The following RAPGEF3 variants were observed in gnomAD, a reference collection of about 807,000 sequenced individuals.
RAPGEF3 encodes the protein 9330170P05Rik.
RAPGEF3 carries 103 observed loss-of-function variants against 129.8 expected under a neutral mutation model. That is an observed-to-expected ratio of 0.79 (90% confidence interval 0.68 to 0.93). RAPGEF3 has a LOEUF of 0.93. RAPGEF3 is among the 40% of genes least tolerant of loss of function. The pLI, the probability that RAPGEF3 is intolerant of heterozygous loss-of-function variation, is 0.00. For synonymous variants in RAPGEF3, 436 were observed against 482.6 expected, an observed-to-expected ratio of 0.90 and a Z score of 1.26; for missense variants, 1,117 against 1,207.4, an observed-to-expected ratio of 0.93 and a Z score of 1.11.
At chr12:47,744,238 A>C (rs114103885) in intron 16 of RAPGEF3, 170 bp from the exon 17 acceptor site, 2 of 618,522 alleles carry the variant, frequency 3.2e-6, no homozygotes, top group African/African-American at 1.9e-5. Context: ...GGCACCTGGG[A>C]CCAAGGATCC....
chr12:47,749,041 C>T lies in RAPGEF3; in HGVS notation c.1042-110G>A. On this transcript the variant is annotated intron_variant, in intron 10 of 27. Transcript: ENST00000449771. The surrounding 1 kb of genome is among the most constrained non-coding windows in gnomAD (Gnocchi z 4.5). ...AGCCCCATGAGGGTCCCACAGGGAC[C>T]CACAGCCCTTCTCCCACCTCCGACT... 4 of 918,384 alleles carry T rather than the reference C, an allele frequency of 4.4e-6. No individual in the cohort carries two copies. Among genetic ancestry groups the T allele is most frequent in the Non-Finnish European group, 1.7e-6 (1 of 586,106 alleles). The allele number at this position is 918,384 out of a possible 1,614,324, so 56.9% of individuals were successfully genotyped here. A position where few individuals can be genotyped will look rare whatever the true frequency, so the allele number is the denominator to read the frequency against.
At chr12:47,754,280 T>C (rs1236787755) in intron 2 of RAPGEF3, among the ~76,000 whole-genome samples, 1 of 152,228 alleles carries the variant, frequency 6.6e-6, no homozygotes, top group Non-Finnish European at 1.5e-5. Context: ...ACAGTAGAGG[T>C]ATTCTGCCTT....
chr12:47,757,914 C>G lies in RAPGEF3; in HGVS notation c.171G>C (p.Gln57His). The G allele has an allele frequency of 6.4e-7, 1 of 1,557,164 alleles. No individual in the cohort carries two copies. Among genetic ancestry groups the G allele is most frequent in the Admixed American group, 1.9e-5 (1 of 51,712 alleles). ...RMHRPRSCSY[Q>H]LLLEHQRPSC... is the part of the protein sequence containing the mutation. ...TCGGACGCTGGTGCTCCAGCAGCAG[C>G]TGGTAGGAGCAGCTTCGGGGCCGGT... Residue 57 changes from glutamine (Q) to histidine (H), a missense_variant, in exon 2 of 28, where the codon CAG (glutamine) becomes CAC (histidine). Physicochemically the swap from Gln to His is conservative, Grantham distance 24. Around this residue, in one of 3 missense-constraint regions of RAPGEF3, gnomAD observed 367 missense variants for 373.4 expected, o/e 0.98. Coordinates refer to ENST00000449771, the MANE Select transcript of RAPGEF3 (RefSeq NM_001098531.4).
rs745831021 is a variant in RAPGEF3, at chr12:47,747,706, A to T, written c.1473+6T>A. ...CCCAGCCCCGCTGTGCCTCACTCCC[A>T]GGTACCTGGAGGAAGCTGGTGGCCA... On this transcript the variant is annotated splice_donor_region_variant and intron_variant, in intron 14 of 27. Transcript: ENST00000449771. The T allele has an allele frequency of 2.2e-5, 35 of 1,611,024 alleles. No homozygotes were observed. In the Admixed American group the frequency reaches 5.8e-4, roughly 27 times the overall value.
chr12:47,747,690 G>A (rs758462432), intron 14 of RAPGEF3, 22 bp downstream of exon 14: 50 of 1,611,402 alleles, frequency 3.1e-5, no homozygotes, highest in East Asian at 2.5e-4. Flanking sequence ...GCCCAGCCCC[G>A]CTGTGCCTCA....
intron 17 of RAPGEF3, among the ~76,000 whole-genome samples, 155 bp from the exon 18 acceptor site, chr12:47,743,831 G>C (rs932807279): frequency 2.0e-5 from 3 of 152,252 alleles, no homozygotes; most frequent in African/African-American, 2.4e-5. Flanking sequence ...GTAGGAGGCA[G>C]ATCTAGCCAG....
rs767838278 is a variant in RAPGEF3 at position 47,751,157 on chromosome 12, C to T, written c.562G>A (p.Glu188Lys). The T allele has an allele frequency of 1.3e-5, 21 of 1,557,214 alleles. No individual in the cohort carries two copies. The highest frequency in any genetic ancestry group is 8.3e-5 in the South Asian group (7 of 84,514). Residue 188 changes from glutamate to lysine, a missense_variant, in exon 6 of 28, where the codon GAG (glutamate) becomes AAG (lysine). Physicochemically the swap from Glu to Lys is moderately conservative, Grantham distance 56. Around this residue, in one of 3 missense-constraint regions of RAPGEF3, gnomAD observed 367 missense variants for 373.4 expected, o/e 0.98. Coordinates refer to ENST00000449771, the MANE Select transcript of RAPGEF3 (RefSeq NM_001098531.4). ...TCATGAGTTCTCACGGGCTCGGGCT[C>T]GGGCCCGGGGAACCGGTAGAATTGG... ...DAQFYRFPGP[E>K]PEPVRTHEME...
At chr12:47,746,330 C>T (rs917574589) in intron 16 of RAPGEF3, 13 of 344,448 alleles carry the variant, frequency 3.8e-5, no homozygotes, top group African/African-American at 2.7e-4. Context: ...CAGTGCAGCC[C>T]TCCCCACCAC....
intron 17 of RAPGEF3, 61 bp downstream of exon 17, chr12:47,743,925 AG>A (rs1941292277): frequency 6.6e-7 from 1 of 1,508,872 alleles, no homozygotes; most frequent in Admixed American, 1.7e-5. Context: ...CAGCAGGACA[AG>A]AGAGGCAGAG....
At chr12:47,748,657 T>G (rs2136783549) in intron 11 of RAPGEF3, 115 bp from the exon 12 acceptor site, 2 of 1,087,886 alleles carry the variant, frequency 1.8e-6, no homozygotes, top group East Asian at 4.8e-5. Flanking sequence ...CTGTCCCACC[T>G]TAGGGCAGGG....
Position 47,746,871 on chromosome 12 carries a change from G to A in RAPGEF3, c.1585C>T (p.Pro529Ser). The part of the protein sequence containing the change: ...RLENGCGNAS[P>S]QMKARNLPVW... ...GGCCAGGCAGACACCTTCATCTGAG[G>A]AGATGCATTCCCACAGCCATTCTCC... is the stretch of plus-strand genomic sequence containing the variant. Residue 529 changes from proline (P) to serine (S), a missense_variant, in exon 16 of 28, where the codon CCT becomes TCT. Around this residue, in one of 3 missense-constraint regions of RAPGEF3, gnomAD observed 643 missense variants for 673.4 expected, o/e 0.95. Transcript: ENST00000449771. The A allele has an allele frequency of 6.3e-7, 1 of 1,598,194 alleles. No individual in the cohort carries two copies. Among genetic ancestry groups the A allele is most frequent in the Non-Finnish European group, 8.5e-7 (1 of 1,175,310 alleles).
At chr12:47,751,335 C>CCCTGT in intron 5 of RAPGEF3, 64 bp downstream of exon 5, 11 of 1,604,992 alleles carry the variant, frequency 6.9e-6, no homozygotes, top group Non-Finnish European at 9.4e-6. Flanking sequence ...CCCAGGACTG[C>CCCTGT]CCTGTCCTGT....
In RAPGEF3 at chr12:47,738,352, C is replaced by G. The variant is rs531050801; in HGVS notation, c.2527-105G>C. On this transcript the variant is annotated intron_variant, in intron 25 of 27. Coordinates refer to ENST00000449771, the MANE Select transcript of RAPGEF3 (RefSeq NM_001098531.4). ...CTCCCTCTGAACCAAGGATCAGGGACTGTAAGATCCTTGGTTATGTGGCAT... is the reference window on the plus strand; with the variant it reads ...CTCCCTCTGAACCAAGGATCAGGGAGTGTAAGATCCTTGGTTATGTGGCAT... 14 of 1,436,296 alleles carry G rather than the reference C, an allele frequency of 9.7e-6. No homozygotes were observed. The African/African-American group carries it at 2.0e-4, about 20-fold the overall frequency. 89.0% of individuals were successfully genotyped at this position (1,436,296 alleles called of 1,614,324 possible).
At position 47,751,406 on chromosome 12, in the gene RAPGEF3, G is replaced by C. The variant is rs1454516486; in HGVS notation, c.495C>G (p.Leu165=). The C allele has an allele frequency of 6.2e-7, 1 of 1,614,042 alleles. No individual in the cohort carries two copies. The highest frequency in any genetic ancestry group is 1.7e-5 in the Admixed American group (1 of 60,030). Residue 165 remains leucine, a synonymous_variant, in exon 5 of 28, where the codon CTC becomes CTG. Coordinates refer to ENST00000449771, the MANE Select transcript of RAPGEF3 (RefSeq NM_001098531.4). ...ICQVLLDEGA[L]CHVKHDWAFQ... ...CCCTGGGCTCGGGCTCACCATGGCA[G>C]AGGGCACCTTCATCCAGCAGCACCT...
rs1232340519 is a variant in RAPGEF3 at position 47,741,031 on chromosome 12, G to A, written c.1933C>T (p.Pro645Ser). The A allele has an allele frequency of 6.2e-7, 1 of 1,612,610 alleles. No homozygotes were observed. The highest frequency in any genetic ancestry group is 2.2e-5 in the East Asian group (1 of 44,846). The change falls in exon 20 of 28, where the codon CCT becomes TCT. Residue 645 changes from proline to serine, a missense_variant. Physicochemically the swap from Pro to Ser is moderately conservative, Grantham distance 74. Around this residue, in one of 3 missense-constraint regions of RAPGEF3, gnomAD observed 643 missense variants for 673.4 expected, o/e 0.95. Transcript: ENST00000449771. ...PQEVHELIPH[P>S]DQLGPTVGSA... ...CCCACAGTGGGCCCCAGCTGGTCAGGGTGTGGGATCTGCGGGTGGGAGAGT... is the reference window on the plus strand; with the variant it reads ...CCCACAGTGGGCCCCAGCTGGTCAGAGTGTGGGATCTGCGGGTGGGAGAGT...
chr12:47,749,315 C>CTGGTCTG lies in RAPGEF3; in HGVS notation c.1041+74_1041+75insCAGACCA, dbSNP rs1565761037. 6.3e-7 allele frequency: 1 copy of CTGGTCTG among 1,583,144 alleles called. No individual in the cohort carries two copies. Among genetic ancestry groups the CTGGTCTG allele is most frequent in the Non-Finnish European group, 8.6e-7 (1 of 1,162,910 alleles). On this transcript the variant is annotated intron_variant, in intron 10 of 27. Transcript: ENST00000449771. The surrounding 1 kb of genome is among the most constrained non-coding windows in gnomAD (Gnocchi z 4.5). ...CCCTGCTTCTTACAGGCCCTCTGCTCTGGTCCCTACTCCTCTCTCCACATC... is the reference window on the plus strand; with the variant it reads ...CCCTGCTTCTTACAGGCCCTCTGCTCTGGTCTGTGGTCCCTACTCCTCTCTCCACATC...
chr12:47,739,802 G>A, intron 23 of RAPGEF3: 1 of 442,946 alleles, frequency 2.3e-6, no homozygotes. Flanking sequence ...CCAGGCCCTT[G>A]GGCTCTGGAG....
chr12:47,740,836 A>C lies in RAPGEF3; in HGVS notation c.2050-13T>G. On this transcript the variant is annotated splice_polypyrimidine_tract_variant and intron_variant, in intron 20 of 27. Transcript: ENST00000449771. ...GGATCAGCTCCACCTGGGTGGGGTC[A>C]GCAGGAGAGGTCAGCGAGTGCTGAG... 2 of 1,613,720 alleles carry C rather than the reference A, an allele frequency of 1.2e-6. No homozygotes were observed. Among genetic ancestry groups the C allele is most frequent in the Non-Finnish European group, 1.7e-6 (2 of 1,179,906 alleles).
intron 2 of RAPGEF3, among the ~76,000 whole-genome samples, chr12:47,757,457 AG>A (rs1942142769): frequency 6.6e-6 from 1 of 152,154 alleles, no homozygotes; most frequent in Admixed American, 6.5e-5. Context: ...AACTCACTAA[AG>A]GAGAATGTTG....
Sources: gnomAD v4.1 joint callset for allele counts (sites outside exome capture counted in the v4.1 genomes callset) on GRCh38, gnomAD v4.1.1 for gene constraint, gnomAD v4.1.1 regional missense constraint, Gnocchi (gnomAD v3.1) non-coding constraint, MANE v1.5 for transcripts, NCBI Gene and HGNC (gene_info 2026-07-23, HGNC 2026-07-21) for gene names.